The following MEAF6 variants were observed in gnomAD, a reference collection of about 807,000 sequenced individuals.
MEAF6 encodes the protein MYST/Esa1 associated factor 6.
Under a neutral mutation model 28.9 loss-of-function variants are expected in MEAF6, and 15 were observed. The ratio of observed to expected loss-of-function variants is 0.52; its 90% confidence interval spans 0.35 to 0.80. The LOEUF (loss-of-function observed/expected upper bound fraction) is 0.80, where lower values mean the gene tolerates loss of function less well. Among genes scored for constraint, MEAF6 ranks in the 30% least tolerant of loss-of-function variants. The pLI, the probability that MEAF6 is intolerant of heterozygous loss-of-function variation, is 0.01. For missense variants in MEAF6, 178 were observed against 237.5 expected, an observed-to-expected ratio of 0.75 and a Z score of 1.65; for synonymous variants, 97 against 88.7, an observed-to-expected ratio of 1.09 and a Z score of -0.53.
At chr1:37,496,719 T>A in intron 5 of MEAF6, 1 of 1,603,016 alleles carries the variant, frequency 6.2e-7, no homozygotes, top group African/African-American at 1.3e-5. Context: ...AAAGTCATAA[T>A]CAAACATGCC....
chr1:37,501,923 C>T lies in MEAF6; in HGVS notation c.414G>A (p.Glu138=), dbSNP rs758511598. The T allele has an allele frequency of 6.2e-6, 10 of 1,610,998 alleles. No homozygotes were observed. Among genetic ancestry groups the T allele is most frequent in the Non-Finnish European group, 6.8e-6 (8 of 1,177,576 alleles). The part of the protein sequence containing the change: ...FHNQENEPSQ[E]DPEDLDGSVQ... ...CAGATCCATCCAGATCCTCAGGGTCCTCCTGGCTGGGCTCATTTTCCTGAT... is the reference window on the plus strand; with the variant it reads ...CAGATCCATCCAGATCCTCAGGGTCTTCCTGGCTGGGCTCATTTTCCTGAT... Residue 138 remains glutamate, a synonymous_variant, in exon 5 of 7, where the codon GAG becomes GAA. Transcript: ENST00000296214.
At position 37,514,712 on chromosome 1, in the gene MEAF6, A is replaced by C; in HGVS notation, c.35T>G (p.Ile12Ser). 1 of 1,537,660 alleles carries C rather than the reference A, an allele frequency of 6.5e-7. No individual in the cohort carries two copies. Among genetic ancestry groups the C allele is most frequent in the South Asian group, 1.2e-5 (1 of 85,216 alleles). The change falls in exon 1 of 7, where the codon ATC becomes AGC. Residue 12 changes from isoleucine to serine, a missense_variant. Physicochemically the swap from Ile to Ser is moderately radical, Grantham distance 142. This residue lies in a region of MEAF6 where 54 missense variants were observed against 37.0 expected (regional missense o/e 1.46). Transcript: ENST00000296214. Reference sequence around the variant, plus strand: ...CGCCAGCTCCCGCCGGGTGTCCGGGATCTGCGGCGGCGCCGCCTTGTTGTG... The same window carrying C: ...CGCCAGCTCCCGCCGGGTGTCCGGGCTCTGCGGCGGCGCCGCCTTGTTGTG... ...AMHNKAAPPQ[I>S]PDTRRELAEL...
chr1:37,493,758 C>G lies in MEAF6; in HGVS notation c.*341G>C. The stretch of plus-strand genomic sequence containing the variant: ...CATAAAACAAAACCAGAGAACATTT[C>G]TTGAAGGGTATCACAGATGAAGCTG... On this transcript the variant is annotated 3_prime_UTR_variant, in exon 7 of 7. Coordinates refer to ENST00000296214, the MANE Select transcript of MEAF6 (RefSeq NM_001270875.3). 1 of 1,547,180 alleles carries G rather than the reference C, an allele frequency of 6.5e-7. No individual in the cohort carries two copies.
chr1:37,513,033 T>TA lies in MEAF6; in HGVS notation c.206+389dup, dbSNP rs1035894999. 6.0e-5 allele frequency among the ~76,000 whole-genome samples: 9 copies of TA among 150,400 alleles called. 1 individual carries two copies. The highest frequency in any genetic ancestry group is 6.6e-5 in the Admixed American group (1 of 15,140). ...GGAGAAACCTCGTCTCTACTAAAAA[T>TA]AAAAAAATTAGCCAGGCATGGTGGC... On this transcript the variant is annotated intron_variant, in intron 2 of 6. Coordinates refer to ENST00000296214, the MANE Select transcript of MEAF6 (RefSeq NM_001270875.3).
chr1:37,498,365 A>T (rs17558598), intron 5 of MEAF6, among the ~76,000 whole-genome samples: 51,579 of 151,118 alleles, frequency 0.34, 9,162 homozygotes, highest in Admixed American at 0.41. Flanking sequence ...ATCTAAAGTA[A>T]TTTTTTATAG....
intron 5 of MEAF6, among the ~76,000 whole-genome samples, chr1:37,499,512 C>T (rs560612870): frequency 3.3e-5 from 5 of 152,096 alleles, no homozygotes; most frequent in South Asian, 2.1e-4. Flanking sequence ...ACTGACCGCT[C>T]GTGTGCCATT....
At position 37,495,712 on chromosome 1, in the gene MEAF6, A is replaced by C. The variant is rs200868469; in HGVS notation, c.567+173T>G. On this transcript the variant is annotated intron_variant, in intron 6 of 6. Coordinates refer to ENST00000296214, the MANE Select transcript of MEAF6 (RefSeq NM_001270875.3). ...AAAAAAAAAACAAAAAACAAAAAAA[A>C]AAAAAAACAAAAAAACCACCTAAAA... Among the ~76,000 whole-genome samples, 15 of 134,148 alleles carry C rather than the reference A, an allele frequency of 1.1e-4. 1 individual carries two copies. The highest frequency in any genetic ancestry group is 4.2e-4 in the Admixed American group (6 of 14,168). 88.0% of individuals were successfully genotyped at this position (134,148 alleles called of 152,430 possible). A position where few individuals can be genotyped will look rare whatever the true frequency, so the allele number is the denominator to read the frequency against.
At chr1:37,507,517 T>A (rs1642526090) in intron 4 of MEAF6, among the ~76,000 whole-genome samples, 1 of 150,996 alleles carries the variant, frequency 6.6e-6, no homozygotes, top group African/African-American at 2.4e-5. Flanking sequence ...GGACTTGGTA[T>A]AATTGATGAG....
chr1:37,513,045 C>A (rs1427509635), intron 2 of MEAF6, among the ~76,000 whole-genome samples: 2 of 151,910 alleles, frequency 1.3e-5, no homozygotes, highest in Non-Finnish European at 2.9e-5. Flanking sequence ...AAAAAATTAG[C>A]CAGGCATGGT....
intron 5 of MEAF6, among the ~76,000 whole-genome samples, chr1:37,499,194 G>T (rs1423147778): frequency 6.6e-6 from 1 of 152,192 alleles, no homozygotes; most frequent in South Asian, 2.1e-4. Flanking sequence ...GCAAATTCAA[G>T]TTATTTCCTT....
intron 5 of MEAF6, among the ~76,000 whole-genome samples, chr1:37,498,689 C>T (rs1237651591): frequency 1.3e-5 from 2 of 151,856 alleles, no homozygotes; most frequent in African/African-American, 4.8e-5. Flanking sequence ...CCTCAGCCTC[C>T]CAAATTGCTG....
rs1221161257 is a variant in MEAF6, at chr1:37,490,514, C to T, written c.*3585G>A. ...ACACTTCACATAAACCAGTATAGTC[C>T]CCCTGTAGTCAAGGCTTCAGATGTC... On this transcript the variant is annotated 3_prime_UTR_variant, in exon 7 of 7. Coordinates refer to ENST00000296214, the MANE Select transcript of MEAF6 (RefSeq NM_001270875.3). Among the ~76,000 whole-genome samples the T allele has an allele frequency of 6.6e-6, 1 of 152,056 alleles. No homozygotes were observed. The highest frequency in any genetic ancestry group is 1.5e-5 in the Non-Finnish European group (1 of 68,022).
Position 37,513,586 on chromosome 1 carries a change from C to G in MEAF6, c.91-48G>C, listed in dbSNP as rs776581582. On this transcript the variant is annotated intron_variant, in intron 1 of 6. Transcript: ENST00000296214. ...ATGAATGATACCTTTTAAATGCAAA[C>G]ACTTAAGTCTGGCCAAAATGAAATC... The G allele has an allele frequency of 3.6e-5, 52 of 1,429,668 alleles. 1 individual carries two copies. The highest frequency in any genetic ancestry group is 2.7e-4 in the South Asian group (24 of 87,350). 88.6% of individuals were successfully genotyped at this position (1,429,668 alleles called of 1,614,324 possible). A position where few individuals can be genotyped will look rare whatever the true frequency, so the allele number is the denominator to read the frequency against.
At chr1:37,498,952 CCAGCCTGTG>C (rs1215938678) in intron 5 of MEAF6, among the ~76,000 whole-genome samples, 1 of 151,928 alleles carries the variant, frequency 6.6e-6, no homozygotes, top group Admixed American at 6.6e-5. Flanking sequence ...GAGTTCAAGA[CCAGCCTGTG>C]CAGCATGGCA....
At chr1:37,494,199 T>G (rs1322986789) in intron 6 of MEAF6, 92 bp from the exon 7 acceptor site, 2 of 1,032,928 alleles carry the variant, frequency 1.9e-6, no homozygotes, top group African/African-American at 3.2e-5. Context: ...ACAACTCTAC[T>G]AGGGGACTGC....
chr1:37,513,745 A>C (rs1642741555), intron 1 of MEAF6: 1 of 586,456 alleles, frequency 1.7e-6, no homozygotes, highest in Admixed American at 3.0e-5. Context: ...CTGAATGTAT[A>C]AAGCATGTCT....
Position 37,490,578 on chromosome 1 carries a change from G to C in MEAF6, c.*3521C>G. Among the ~76,000 whole-genome samples the C allele has an allele frequency of 6.6e-6, 1 of 152,172 alleles. No homozygotes were observed. The highest frequency in any genetic ancestry group is 3.2e-3 in the Middle Eastern group (1 of 316). On this transcript the variant is annotated 3_prime_UTR_variant, in exon 7 of 7. Coordinates refer to ENST00000296214, the MANE Select transcript of MEAF6 (RefSeq NM_001270875.3). The stretch of plus-strand genomic sequence containing the variant: ...AGACAGCGTCTTGCTACGTTACTCA[G>C]GCTGAAGTGCAGTGGCCATTCACAG...
At chr1:37,495,365 T>TAAAG (rs1356112073) in intron 6 of MEAF6, among the ~76,000 whole-genome samples, 2 of 149,584 alleles carry the variant, frequency 1.3e-5, no homozygotes, top group Non-Finnish European at 3.0e-5. Context: ...AATAAATAAA[T>TAAAG]AAATAAATAA....
At chr1:37,513,395 A>G (rs764115999) in intron 2 of MEAF6, 28 bp downstream of exon 2, 10 of 1,570,958 alleles carry the variant, frequency 6.4e-6, no homozygotes, top group Non-Finnish European at 7.0e-6. Context: ...AGGGCACAAT[A>G]GGAACACTAC....
Sources: gnomAD v4.1 joint callset for allele counts (sites outside exome capture counted in the v4.1 genomes callset) on GRCh38, gnomAD v4.1.1 for gene constraint, gnomAD v4.1.1 regional missense constraint, MANE v1.5 for transcripts, NCBI Gene and HGNC (gene_info 2026-07-23, HGNC 2026-07-21) for gene names.